Variants in CST8 observed in about 807,000 individuals in gnomAD.
The protein encoded by CST8 is cystatin-8.
Under a neutral mutation model 11.8 loss-of-function variants are expected in CST8, and 20 were observed. The observed-to-expected ratio is 1.70, with a 90% CI of 1.20 to 2.47. CST8 has a LOEUF of 2.47. Ranked by LOEUF, CST8 falls within the 30% of genes most tolerant of loss-of-function variation. CST8 has a pLI of 0.00. For synonymous variants in CST8, 77 were observed against 63.1 expected, an observed-to-expected ratio of 1.22 and a Z score of -1.05; for missense variants, 196 against 167.2, an observed-to-expected ratio of 1.17 and a Z score of -0.95.
chr20:23,499,493 C>A (rs1174703882), downstream of CST8, among the ~76,000 whole-genome samples: 4 of 152,232 alleles, frequency 2.6e-5, no homozygotes, highest in African/African-American at 9.6e-5. Flanking sequence ...CCCACTGTCA[C>A]AGGGCCTGCT....
chr20:23,491,729 G>A lies in CST8; in HGVS notation c.62G>A (p.Arg21Lys). ...ACCATTCCCCTGGCCCTGGTGGCCAGGAAAGACCCAAAAAAGAATGAGACA... is the reference window on the plus strand; with the variant it reads ...ACCATTCCCCTGGCCCTGGTGGCCAAGAAAGACCCAAAAAAGAATGAGACA... ...LLTIPLALVA[R>K]KDPKKNETGV... Residue 21 changes from arginine (R) to lysine (K), a missense_variant, in exon 2 of 4, where the codon AGG (arginine) becomes AAG (lysine). Coordinates refer to ENST00000246012, the MANE Select transcript of CST8 (RefSeq NM_005492.4). 1 of 1,614,070 alleles carries A rather than the reference G, an allele frequency of 6.2e-7. No homozygotes were observed. Among genetic ancestry groups the A allele is most frequent in the Non-Finnish European group, 8.5e-7 (1 of 1,179,980 alleles).
At chr20:23,497,918 G>C (rs1246655251), downstream of CST8, among the ~76,000 whole-genome samples, 1 of 152,144 alleles carries the variant, frequency 6.6e-6, no homozygotes, top group Admixed American at 6.6e-5. Flanking sequence ...GAGGGGTGGT[G>C]GCAATAAATC....
In CST8 at chr20:23,491,796, C is replaced by T; in HGVS notation, c.129C>T (p.Ala43=). The part of the protein sequence containing the change: ...RKLKPVNASN[A]NVKQCLWFAM... The stretch of plus-strand genomic sequence containing the variant: ...TAAAACCCGTCAATGCCTCAAATGC[C>T]AACGTGAAGCAGTGTCTGTGGTTTG... Residue 43 remains alanine (A), a synonymous_variant, in exon 2 of 4, where the codon GCC becomes GCT. Coordinates refer to ENST00000246012, the MANE Select transcript of CST8 (RefSeq NM_005492.4). 6.2e-7 allele frequency: 1 copy of T among 1,614,130 alleles called. No homozygotes were observed. Among genetic ancestry groups the T allele is most frequent in the African/African-American group, 1.3e-5 (1 of 75,032 alleles).
chr20:23,493,313 G>A (rs1987948166), intron 3 of CST8, among the ~76,000 whole-genome samples: 1 of 152,078 alleles, frequency 6.6e-6, no homozygotes, highest in Admixed American at 6.5e-5. Flanking sequence ...TTATCTCAAG[G>A]GCTCCATTGA....
the CST8 span, among the ~76,000 whole-genome samples, chr20:23,501,758 T>A: frequency 1.3e-5 from 2 of 152,202 alleles, no homozygotes; most frequent in African/African-American, 4.8e-5. Context: ...ACATTTTTGG[T>A]CGTGAACTTA....
At position 23,492,951 on chromosome 20, in the gene CST8, C is replaced by A. The variant is rs1447182363; in HGVS notation, c.232-7C>A. 6.6e-7 allele frequency: 1 copy of A among 1,513,618 alleles called. No homozygotes were observed. The highest frequency in any genetic ancestry group is 9.2e-7 in the Non-Finnish European group (1 of 1,088,956). The allele number at this position is 1,513,618 out of a possible 1,614,324, so 93.8% of individuals were successfully genotyped here. On this transcript the variant is annotated splice_polypyrimidine_tract_variant and splice_region_variant and intron_variant, in intron 2 of 3. Transcript: ENST00000246012. ...TTGAATAAAATTGCATAATTGCTAA[C>A]CAACAGGTCACAAATCTTCTGGAAT...
At chr20:23,499,302 T>C (rs1365002165), downstream of CST8, among the ~76,000 whole-genome samples, 1 of 152,240 alleles carries the variant, frequency 6.6e-6, no homozygotes, top group Non-Finnish European at 1.5e-5. Context: ...CCTGTCTTAA[T>C]CTCTTCCTTT....
downstream of CST8, among the ~76,000 whole-genome samples, chr20:23,496,856 A>T (rs1044742244): frequency 6.6e-6 from 1 of 152,190 alleles, no homozygotes; most frequent in Admixed American, 6.5e-5. Context: ...GAAAGAAGAG[A>T]AATATGTCTC....
At chr20:23,505,435 C>T in the CST8 span, among the ~76,000 whole-genome samples, 11 of 151,956 alleles carry the variant, frequency 7.2e-5, no homozygotes, top group East Asian at 3.9e-4. Context: ...TGAGCCACCG[C>T]GCCCAGCCAC....
At chr20:23,498,902 C>G (rs948771154), downstream of CST8, among the ~76,000 whole-genome samples, 4 of 152,228 alleles carry the variant, frequency 2.6e-5, no homozygotes, top group Non-Finnish European at 5.9e-5. Flanking sequence ...TGAGGAACAG[C>G]AGGCTAGAGA....
the CST8 span, among the ~76,000 whole-genome samples, chr20:23,503,200 TGAAAA>T: frequency 2.0e-5 from 3 of 152,112 alleles, no homozygotes; most frequent in Non-Finnish European, 4.4e-5. Context: ...TCCAAAGGAA[TGAAAA>T]TTTACCCAAG....
chr20:23,506,022 T>G, the CST8 span, among the ~76,000 whole-genome samples: 2 of 151,866 alleles, frequency 1.3e-5, no homozygotes, highest in African/African-American at 4.8e-5. Flanking sequence ...AAAGATCCTG[T>G]ATACCATTTT....
At chr20:23,505,520 AG>A in the CST8 span, among the ~76,000 whole-genome samples, 156 of 88,242 alleles carry the variant, frequency 1.8e-3, no homozygotes, top group Non-Finnish European at 2.2e-3. Flanking sequence ...AAAGTAGGAG[AG>A]GAAAAAAAAA....
rs1034029957 is a variant in CST8 at position 23,491,350 on chromosome 20, T to C, written c.-144+8T>C. On this transcript the variant is annotated splice_region_variant and intron_variant, in intron 1 of 3. Transcript: ENST00000246012. ...AGAGTGACGCTCACAGGGGTAGGCA[T>C]AGACACACTGGGGCCGAAGGGGAGA... 21 of 391,024 alleles carry C rather than the reference T, an allele frequency of 5.4e-5. No homozygotes were observed. Among genetic ancestry groups the C allele is most frequent in the African/African-American group, 3.3e-4 (16 of 49,066 alleles). 24.2% of individuals were successfully genotyped at this position (391,024 alleles called of 1,614,324 possible). A position where few individuals can be genotyped will look rare whatever the true frequency, so the allele number is the denominator to read the frequency against.
rs904367193 is a variant in CST8, at chr20:23,491,590, G to A, written c.-78G>A. 8 of 1,099,536 alleles carry A rather than the reference G, an allele frequency of 7.3e-6. No individual in the cohort carries two copies. In the African/African-American group the frequency reaches 9.4e-5, roughly 13 times the overall value. The allele number at this position is 1,099,536 out of a possible 1,614,324, so 68.1% of individuals were successfully genotyped here. Reference sequence around the variant, plus strand: ...TTCTTGAACCCACAGCAGCAGCTGCGGCCACCCCATCCTGCCCACAGCTCC... The same window carrying A: ...TTCTTGAACCCACAGCAGCAGCTGCAGCCACCCCATCCTGCCCACAGCTCC... On this transcript the variant is annotated 5_prime_UTR_variant, in exon 2 of 4. Transcript: ENST00000246012.
intron 2 of CST8, 34 bp downstream of exon 2, chr20:23,491,932 C>A: frequency 6.6e-7 from 1 of 1,522,956 alleles, no homozygotes; most frequent in Non-Finnish European, 9.1e-7. Context: ...TGGACATTTG[C>A]ATATGGTGGC....
At chr20:23,502,730 G>A in the CST8 span, among the ~76,000 whole-genome samples, 4 of 152,220 alleles carry the variant, frequency 2.6e-5, no homozygotes, top group African/African-American at 9.6e-5. Context: ...GTTGGCTGAA[G>A]CCCTATTTCA....
At chr20:23,501,760 G>A in the CST8 span, among the ~76,000 whole-genome samples, 60 of 152,346 alleles carry the variant, frequency 3.9e-4, no homozygotes, top group African/African-American at 1.1e-3. Flanking sequence ...ATTTTTGGTC[G>A]TGAACTTATG....
At chr20:23,500,483 G>A (rs1409540070), downstream of CST8, among the ~76,000 whole-genome samples, 2 of 152,252 alleles carry the variant, frequency 1.3e-5, no homozygotes, top group South Asian at 2.1e-4. Context: ...GAGAGTGTCA[G>A]GACTGCCTGC....
Sources: gnomAD v4.1 joint callset for allele counts (sites outside exome capture counted in the v4.1 genomes callset) on GRCh38, gnomAD v4.1.1 for gene constraint, MANE v1.5 for transcripts, NCBI Gene and HGNC (gene_info 2026-07-23, HGNC 2026-07-21) for gene names.